The following ATXN3 variants were observed in gnomAD, a reference collection of about 807,000 sequenced individuals.
The protein encoded by ATXN3 is ataxin 3.
A neutral mutation model predicts 58.2 loss-of-function variants in ATXN3; 28 were observed. The observed-to-expected ratio is 0.48, with a 90% CI of 0.36 to 0.66. The LOEUF (loss-of-function observed/expected upper bound fraction) is 0.66. ATXN3 is among the 30% of genes least tolerant of loss of function. The pLI is 0.00. For missense variants in ATXN3, 321 were observed against 422.1 expected, an observed-to-expected ratio of 0.76 and a Z score of 2.10; for synonymous variants, 113 against 138.5, an observed-to-expected ratio of 0.82 and a Z score of 1.29.
chr14:92,071,308 T>A, intron 9 of ATXN3: 1 of 649,992 alleles, frequency 1.5e-6, no homozygotes, highest in Non-Finnish European at 2.7e-6. Context: ...CAAAATAACC[T>A]ATCATGGCCA....
Position 92,064,307 on chromosome 14 carries a change from T to A in ATXN3, c.*13A>T. 6.4e-7 allele frequency: 1 copy of A among 1,556,558 alleles called. No individual in the cohort carries two copies. The highest frequency in any genetic ancestry group is 8.9e-7 in the Non-Finnish European group (1 of 1,129,328). On this transcript the variant is annotated 3_prime_UTR_variant, in exon 11 of 11. Coordinates refer to ENST00000644486, the MANE Select transcript of ATXN3 (RefSeq NM_004993.6). The stretch of plus-strand genomic sequence containing the variant: ...TTGGAAAGTATGAATATCTAAATTA[T>A]TTTTTAAAGGTATTATTTTTTTCCT...
chr14:92,065,119 T>C (rs1165640123), intron 10 of ATXN3, among the ~76,000 whole-genome samples: 7 of 152,220 alleles, frequency 4.6e-5, no homozygotes, highest in Non-Finnish European at 8.8e-5. Flanking sequence ...CACCTATCTT[T>C]TACCCACTTT....
chr14:92,095,588 C>T (rs1253438266), intron 3 of ATXN3, among the ~76,000 whole-genome samples: 1 of 151,662 alleles, frequency 6.6e-6, no homozygotes, highest in Non-Finnish European at 1.5e-5. Flanking sequence ...TAATCTTTCT[C>T]AAGAAGGAAT....
chr14:92,057,487 C>T (rs2057485035), downstream of ATXN3, among the ~76,000 whole-genome samples: 1 of 152,118 alleles, frequency 6.6e-6, no homozygotes, highest in South Asian at 2.1e-4. Context: ...GCTGCTCTAC[C>T]TATGGGGTAG....
rs1555392594 is a variant in ATXN3 at position 92,060,270 on chromosome 14, A to ATACACACATATATATATATATATATTTT, written c.*4049_*4050insAAAATATATATATATATATATGTGTGTA. 1 of 117,422 alleles carries ATACACACATATATATATATATATATTTT rather than the reference A, an allele frequency of 8.5e-6. No homozygotes were observed. Among genetic ancestry groups the ATACACACATATATATATATATATATTTT allele is most frequent in the African/African-American group, 3.5e-5 (1 of 28,296 alleles). The allele number at this position is 117,422 out of a possible 1,614,324, so 7.3% of individuals were successfully genotyped here. On this transcript the variant is annotated 3_prime_UTR_variant, in exon 11 of 11. Coordinates refer to ENST00000644486, the MANE Select transcript of ATXN3 (RefSeq NM_004993.6). ...CACACATATATATATATATATATAT[A>ATACACACATATATATATATATATATTTT]TTTTTTTTTTTCAGAAACAGTGTCT...
intron 9 of ATXN3, chr14:92,071,741 T>C (rs2059490298): frequency 6.1e-6 from 1 of 162,994 alleles, no homozygotes; most frequent in Admixed American, 5.9e-5. Context: ...CATTTCAAAC[T>C]ACCATGTGAG....
At chr14:92,106,432 G>T (rs1326875488) in intron 1 of ATXN3, 97 bp downstream of exon 1, 3 of 1,514,904 alleles carry the variant, frequency 2.0e-6, no homozygotes, top group Admixed American at 1.7e-5. Context: ...GCATGGGGGC[G>T]ACTCGGGCCC....
At chr14:92,074,573 G>A (rs2060019883) in intron 9 of ATXN3, among the ~76,000 whole-genome samples, 1 of 152,192 alleles carries the variant, frequency 6.6e-6, no homozygotes, top group Non-Finnish European at 1.5e-5. Context: ...TGTCCCAACT[G>A]GGGCAGTGGT....
At chr14:92,046,804 C>T (rs535283802) in intron 2 of ATXN3, among the ~76,000 whole-genome samples, 1 of 152,236 alleles carries the variant, frequency 6.6e-6, no homozygotes, top group African/African-American at 2.4e-5. Context: ...TTTGAGAGAT[C>T]AGTCAGACAT....
At position 92,060,500 on chromosome 14, in the gene ATXN3, T is replaced by C. The variant is rs2057701108; in HGVS notation, c.*3820A>G. The C allele has an allele frequency of 1.3e-5, 2 of 148,262 alleles. No individual in the cohort carries two copies. The allele number at this position is 148,262 out of a possible 1,614,324, so 9.2% of individuals were successfully genotyped here. ...TCTTGAACTCCTGGCCTGAAGTGAT[T>C]CGCCCACCTCAGCCTCCAGAACTGC... On this transcript the variant is annotated 3_prime_UTR_variant, in exon 11 of 11. Transcript: ENST00000644486.
At chr14:92,046,907 C>T (rs750562577) in intron 2 of ATXN3, among the ~76,000 whole-genome samples, 10 of 152,042 alleles carry the variant, frequency 6.6e-5, no homozygotes, top group Non-Finnish European at 1.0e-4. Context: ...GGGGGACATC[C>T]GATATCCCTT....
intron 3 of ATXN3, among the ~76,000 whole-genome samples, chr14:92,094,861 A>C: frequency 6.6e-6 from 1 of 152,222 alleles, no homozygotes; most frequent in African/African-American, 2.4e-5. Context: ...ATTACCTGTT[A>C]GCAGTGGCAC....
downstream of ATXN3, among the ~76,000 whole-genome samples, chr14:92,054,874 G>GTTT (rs914873278): frequency 6.6e-6 from 1 of 151,422 alleles, no homozygotes; most frequent in Non-Finnish European, 1.5e-5. Context: ...TGTTATATTA[G>GTTT]TTTGTTTTTG....
At chr14:92,105,343 G>A (rs1032261057) in intron 1 of ATXN3, among the ~76,000 whole-genome samples, 2 of 152,054 alleles carry the variant, frequency 1.3e-5, no homozygotes, top group African/African-American at 4.8e-5. Flanking sequence ...TTGTGCCTAG[G>A]AGATCAAGGC....
chr14:92,063,120 A>G lies in ATXN3; in HGVS notation c.*1200T>C, dbSNP rs2057894221. ...TATGGACTTTCTTATTTATAGATCCACTAAGTACTGTGACTTCCATTGTTC... is the reference window on the plus strand; with the variant it reads ...TATGGACTTTCTTATTTATAGATCCGCTAAGTACTGTGACTTCCATTGTTC... On this transcript the variant is annotated 3_prime_UTR_variant, in exon 11 of 11. Transcript: ENST00000644486. The G allele has an allele frequency of 6.5e-6, 1 of 152,682 alleles. No homozygotes were observed. The highest frequency in any genetic ancestry group is 1.5e-5 in the Non-Finnish European group (1 of 68,044). 9.5% of individuals were successfully genotyped at this position (152,682 alleles called of 1,614,324 possible).
downstream of ATXN3, among the ~76,000 whole-genome samples, chr14:92,053,581 C>T (rs1173584129): frequency 6.6e-6 from 1 of 151,174 alleles, no homozygotes; most frequent in Non-Finnish European, 1.5e-5. Flanking sequence ...ACTGCAGCCT[C>T]AAACCTCCAG....
chr14:92,105,020 C>G (rs1053113536), intron 1 of ATXN3, among the ~76,000 whole-genome samples: 1 of 152,028 alleles, frequency 6.6e-6, no homozygotes, highest in African/African-American at 2.4e-5. Context: ...TCATGTCAAT[C>G]AAGTCAAAAA....
In ATXN3 at chr14:92,062,719, TAAA is replaced by T. The variant is rs1474433276; in HGVS notation, c.*1598_*1600del. The T allele has an allele frequency of 1.3e-5, 2 of 152,506 alleles. No individual in the cohort carries two copies. The highest frequency in any genetic ancestry group is 2.4e-5 in the African/African-American group (1 of 41,444). The allele number at this position is 152,506 out of a possible 1,614,324, so 9.4% of individuals were successfully genotyped here. ...AACTGATTGGCACAAAATAATGACT[TAAA>T]AAATCTGTTATATCGAAGAAAAAGC... On this transcript the variant is annotated 3_prime_UTR_variant, in exon 11 of 11. Transcript: ENST00000644486.
At chr14:92,091,696 T>C (rs1265820861) in intron 5 of ATXN3, among the ~76,000 whole-genome samples, 1 of 140,524 alleles carries the variant, frequency 7.1e-6, no homozygotes, top group African/African-American at 2.8e-5. Flanking sequence ...TTAAAGTGTA[T>C]AATTTGAAAC....
Sources: allele counts gnomAD v4.1 joint callset (sites outside exome capture counted in the v4.1 genomes callset), GRCh38; gene constraint gnomAD v4.1.1; transcripts MANE v1.5; gene names NCBI Gene and HGNC (gene_info 2026-07-23, HGNC 2026-07-21).